The following VDR variants were observed in gnomAD, a reference collection of about 807,000 sequenced individuals.
VDR encodes the protein vitamin D3 receptor.
In VDR, 19 loss-of-function variants were observed where a neutral mutation model predicts 39.7. That is an observed-to-expected ratio of 0.48 (90% CI 0.33 to 0.70). VDR has a LOEUF of 0.70. Among genes scored for constraint, VDR ranks in the 30% least tolerant of loss-of-function variants. VDR has a pLI of 0.02. For synonymous variants in VDR, 242 were observed against 215.8 expected (o/e 1.12, Z -1.07); for missense variants, 442 against 570.5 (o/e 0.77, Z 2.29).
chr12:47,881,383 A>G (rs915062476), intron 2 of VDR, among the ~76,000 whole-genome samples: 1 of 152,162 alleles, frequency 6.6e-6, no homozygotes, highest in Non-Finnish European at 1.5e-5. Flanking sequence ...CCTATTGAGT[A>G]CTATGCTCGC....
At chr12:47,896,568 CTGGGGG>C (rs1946468445) in intron 1 of VDR, 1 of 152,198 alleles carries the variant, frequency 6.6e-6, no homozygotes, top group South Asian at 2.1e-4. Context: ...TCAGGAGGAC[CTGGGGG>C]TGGGTCTGAC....
chr12:47,847,498 C>A (rs962575419), intron 7 of VDR, among the ~76,000 whole-genome samples: 2 of 152,156 alleles, frequency 1.3e-5, no homozygotes, highest in Non-Finnish European at 2.9e-5. Flanking sequence ...ACTCCCTTTC[C>A]CATGGTAAAC....
chr12:47,877,805 C>A (rs574467212), intron 3 of VDR, among the ~76,000 whole-genome samples: 4 of 152,322 alleles, frequency 2.6e-5, no homozygotes, highest in African/African-American at 9.6e-5. Flanking sequence ...TTGTCTGGTT[C>A]CCCGAGCTGG....
At chr12:47,878,338 C>G (rs1013231919) in intron 3 of VDR, among the ~76,000 whole-genome samples, 1 of 152,182 alleles carries the variant, frequency 6.6e-6, no homozygotes, top group Non-Finnish European at 1.5e-5. Context: ...TTTTCCCACA[C>G]CTTTCACATC....
At chr12:47,872,740 A>G (rs1362300396) in intron 3 of VDR, among the ~76,000 whole-genome samples, 4 of 152,192 alleles carry the variant, frequency 2.6e-5, no homozygotes, top group Non-Finnish European at 1.5e-5. Context: ...CACTGCCAAC[A>G]CATCACATAG....
chr12:47,879,721 T>TG (rs1310755145), intron 2 of VDR, among the ~76,000 whole-genome samples: 1 of 152,210 alleles, frequency 6.6e-6, no homozygotes, highest in East Asian at 1.9e-4. Context: ...CTTATGCCCC[T>TG]GGTGTTCCTG....
intron 3 of VDR, among the ~76,000 whole-genome samples, chr12:47,871,305 T>TCTTCCTTTCTTTCTTC (rs1491308644): frequency 1.6e-5 from 2 of 124,912 alleles, no homozygotes; most frequent in African/African-American, 6.0e-5. Context: ...TTTCTTTCTT[T>TCTTCCTTTCTTTCTTC]CTTTCTTTCT....
intron 4 of VDR, among the ~76,000 whole-genome samples, chr12:47,859,145 G>A (rs766175535): frequency 6.6e-6 from 1 of 152,206 alleles, no homozygotes; most frequent in Non-Finnish European, 1.5e-5. Flanking sequence ...GCCCTCGCTT[G>A]GGGAGCCCAA....
At chr12:47,873,274 C>T (rs893003076) in intron 3 of VDR, among the ~76,000 whole-genome samples, 6 of 151,704 alleles carry the variant, frequency 4.0e-5, no homozygotes, top group Non-Finnish European at 7.4e-5. Flanking sequence ...CTTGCTTCCC[C>T]TTTACCTTCC....
Position 47,844,659 on chromosome 12 carries a change from AG to A in VDR, c.*86del. 1 of 1,574,106 alleles carries A rather than the reference AG, an allele frequency of 6.4e-7. No individual in the cohort carries two copies. Among genetic ancestry groups the A allele is most frequent in the Non-Finnish European group, 8.7e-7 (1 of 1,152,440 alleles). Reference sequence around the variant, plus strand: ...GGGCTGAACCCCAGACGGGGTGAGGAGGGCTGCTGAGTAGCCGCCAGCCCCG... The same window carrying A: ...GGGCTGAACCCCAGACGGGGTGAGGAGGCTGCTGAGTAGCCGCCAGCCCCG... On this transcript the variant is annotated 3_prime_UTR_variant, in exon 10 of 10. Coordinates refer to ENST00000549336, the MANE Select transcript of VDR (RefSeq NM_000376.3).
At chr12:47,900,832 C>T (rs771431902) in intron 1 of VDR, among the ~76,000 whole-genome samples, 27 of 152,166 alleles carry the variant, frequency 1.8e-4, no homozygotes, top group Non-Finnish European at 3.2e-4. Context: ...GCACAGACTC[C>T]GCTTTCCCGC....
In VDR at chr12:47,895,020, C is replaced by T. The variant is rs150757711; in HGVS notation, c.-84+9935G>A. ...AGAAAACACTGCGACTTTACCAAGC[C>T]TCCAAAAGGAGATTCTATAAGACTG... is the stretch of plus-strand genomic sequence containing the variant. On this transcript the variant is annotated intron_variant, in intron 1 of 9. Coordinates refer to ENST00000549336, the MANE Select transcript of VDR (RefSeq NM_000376.3). Among the ~76,000 whole-genome samples, 20 of 152,360 alleles carry T rather than the reference C, an allele frequency of 1.3e-4. No homozygotes were observed. The East Asian group carries it at 3.7e-3, about 28-fold the overall frequency.
chr12:47,844,955 G>T lies in VDR; in HGVS notation c.1075C>A (p.Leu359Met). 6.2e-7 allele frequency: 1 copy of T among 1,613,998 alleles called. No homozygotes were observed. Among genetic ancestry groups the T allele is most frequent in the Non-Finnish European group, 8.5e-7 (1 of 1,179,982 alleles). The change falls in exon 10 of 10, where the codon CTG becomes ATG. Residue 359 changes from leucine (L) to methionine (M), a missense_variant. This residue lies in a region of VDR where 173 missense variants were observed against 252.0 expected (regional missense o/e 0.69). Transcript: ENST00000549336. ...ATGTACGTCTGCAGTGTGTTGGACA[G>T]GCGGTCCTGGATGGCCTCAATCAGC... Reference protein sequence around the residue: ...AALIEAIQDRLSNTLQTYIRC... With the variant: ...AALIEAIQDRMSNTLQTYIRC...
chr12:47,875,688 G>A (rs771505533), intron 3 of VDR, among the ~76,000 whole-genome samples: 3 of 152,224 alleles, frequency 2.0e-5, no homozygotes, highest in Non-Finnish European at 4.4e-5. Flanking sequence ...AGTCACTGTG[G>A]ACACTGGATT....
At chr12:47,867,983 G>A (rs1185038768) in intron 3 of VDR, among the ~76,000 whole-genome samples, 1 of 152,200 alleles carries the variant, frequency 6.6e-6, no homozygotes, top group African/African-American at 2.4e-5. Flanking sequence ...GTCCCAGGCA[G>A]GCCCAGACTC....
chr12:47,857,223 T>G lies in VDR; in HGVS notation c.489A>C (p.Gly163=). ...FRPPVRVNDG[G]GSHPSRPNSR... ...AGTTGGGCCTGGAAGGATGGCTCCC[T>G]CCACCATCATTCACACGAACTGGAG... Residue 163 remains glycine (G), a synonymous_variant, in exon 6 of 10, where the codon GGA becomes GGC. Transcript: ENST00000549336. 1.2e-6 allele frequency: 2 copies of G among 1,614,154 alleles called. No homozygotes were observed. The highest frequency in any genetic ancestry group is 1.7e-6 in the Non-Finnish European group (2 of 1,180,000).
At chr12:47,879,218 C>A (rs571920851) in intron 2 of VDR, 103 bp from the exon 3 acceptor site, 3 of 1,370,408 alleles carry the variant, frequency 2.2e-6, no homozygotes, top group South Asian at 1.4e-5. Context: ...ACCGCCCCCA[C>A]CCCCCACCAC....
At chr12:47,872,821 A>G (rs908719143) in intron 3 of VDR, among the ~76,000 whole-genome samples, 3 of 152,226 alleles carry the variant, frequency 2.0e-5, no homozygotes, top group African/African-American at 7.2e-5. Flanking sequence ...AAGACACTAA[A>G]AAGGGATAAT....
chr12:47,865,178 CT>C lies in VDR; in HGVS notation c.147-2del. ...TAGTGCCTTCCGCTTCATGCTTCGC[CT>C]GCCGAGAGAGCACACACCCTGCCCT... On this transcript the variant is annotated splice_acceptor_variant, in intron 3 of 9. Coordinates refer to ENST00000549336, the MANE Select transcript of VDR (RefSeq NM_000376.3). LOFTEE classifies it high-confidence loss of function. 6.2e-7 allele frequency: 1 copy of C among 1,611,668 alleles called. No individual in the cohort carries two copies. The highest frequency in any genetic ancestry group is 1.1e-5 in the South Asian group (1 of 91,072).
Sources: gnomAD v4.1 joint callset for allele counts (sites outside exome capture counted in the v4.1 genomes callset) on GRCh38, gnomAD v4.1.1 for gene constraint, gnomAD v4.1.1 regional missense constraint, MANE v1.5 for transcripts, NCBI Gene and HGNC (gene_info 2026-07-23, HGNC 2026-07-21) for gene names.